Variants in EGLN1 observed in about 807,000 individuals in gnomAD.
The protein encoded by EGLN1 is egl nine homolog 1.
EGLN1 carries 17 observed loss-of-function variants against 38.3 expected under a neutral mutation model. The ratio of observed to expected loss-of-function variants is 0.44; its 90% CI spans 0.30 to 0.67. The LOEUF (loss-of-function observed/expected upper bound fraction) is 0.67. Among genes scored for constraint, EGLN1 ranks in the 30% least tolerant of loss-of-function variants. The pLI, the probability that EGLN1 is intolerant of heterozygous loss-of-function variation, is 0.08. For synonymous variants in EGLN1, 283 were observed against 257.5 expected (o/e 1.10, Z -0.95); for missense variants, 477 against 603.3 (o/e 0.79, Z 2.19).
chr1:231,399,428 G>A (rs569984515), intron 1 of EGLN1, among the ~76,000 whole-genome samples: 7 of 152,298 alleles, frequency 4.6e-5, no homozygotes, highest in Admixed American at 4.6e-4. Context: ...ATTACATATA[G>A]AGAAGAATGT....
chr1:231,390,701 T>A (rs1688343159), intron 1 of EGLN1, among the ~76,000 whole-genome samples: 1 of 152,228 alleles, frequency 6.6e-6, no homozygotes, highest in South Asian at 2.1e-4. Flanking sequence ...AATAAATGAA[T>A]GTTGTCTGTC....
intron 1 of EGLN1, among the ~76,000 whole-genome samples, chr1:231,396,887 A>G (rs1688543114): frequency 6.6e-6 from 1 of 152,104 alleles, no homozygotes; most frequent in African/African-American, 2.4e-5. Context: ...TACACAATCA[A>G]TCAAATCAAA....
chr1:231,420,340 G>A (rs189547584), intron 1 of EGLN1: 7 of 154,682 alleles, frequency 4.5e-5, no homozygotes, highest in African/African-American at 9.6e-5. Flanking sequence ...ACACTGAGAG[G>A]CCTGAAGACG....
chr1:231,366,573 T>C, intron 4 of EGLN1, 98 bp from the exon 5 acceptor site: 1 of 1,224,314 alleles, frequency 8.2e-7, no homozygotes, highest in South Asian at 1.3e-5. Context: ...ATGGACAATA[T>C]TTCAACTTTG....
At position 231,412,011 on chromosome 1, in the gene EGLN1, C is replaced by CAA. The variant is rs747472895; in HGVS notation, c.891+8985_891+8986dup. Among the ~76,000 whole-genome samples the CAA allele has an allele frequency of 1.5e-3, 50 of 33,664 alleles. 11 individuals are homozygous for CAA. The highest frequency in any genetic ancestry group is 5.0e-3 in the South Asian group (2 of 404). The allele number at this position is 33,664 out of a possible 152,430, so 22.1% of individuals were successfully genotyped here. A position where few individuals can be genotyped will look rare whatever the true frequency, so the allele number is the denominator to read the frequency against. On this transcript the variant is annotated intron_variant, in intron 1 of 4. Transcript: ENST00000366641. ...TGGGTGACAGAGTGAGACTCCATCT[C>CAA]AAAAAAAAAAAAAAAAAAAAAAAAA...
At chr1:231,376,054 C>T (rs548414134) in intron 1 of EGLN1, among the ~76,000 whole-genome samples, 3 of 152,092 alleles carry the variant, frequency 2.0e-5, no homozygotes, top group Admixed American at 6.5e-5. Context: ...TCTTGAACAT[C>T]GACTATGTAT....
chr1:231,397,936 A>G (rs1446306787), intron 1 of EGLN1, among the ~76,000 whole-genome samples: 2 of 152,200 alleles, frequency 1.3e-5, no homozygotes, highest in Non-Finnish European at 2.9e-5. Flanking sequence ...TTCTGAAGAA[A>G]CTGATAAGCC....
chr1:231,393,471 T>C (rs1688445258), intron 1 of EGLN1, among the ~76,000 whole-genome samples: 1 of 152,198 alleles, frequency 6.6e-6, no homozygotes, highest in Non-Finnish European at 1.5e-5. Context: ...GCCCTGGGCA[T>C]GTGTCTAATC....
intron 1 of EGLN1, among the ~76,000 whole-genome samples, chr1:231,416,432 A>C (rs1017654969): frequency 2.7e-5 from 4 of 146,892 alleles, no homozygotes; most frequent in African/African-American, 1.0e-4. Flanking sequence ...CATACAAAAA[A>C]AAAATTTTTT....
intron 1 of EGLN1, among the ~76,000 whole-genome samples, chr1:231,380,315 C>CAAAAAAAAAA (rs35280417): frequency 3.9e-5 from 4 of 101,778 alleles, no homozygotes; most frequent in South Asian, 3.7e-4. Context: ...GACTCCGTCT[C>CAAAAAAAAAA]AAAAAAAAAA....
intron 1 of EGLN1, among the ~76,000 whole-genome samples, chr1:231,398,619 C>T (rs560931718): frequency 6.6e-6 from 1 of 152,264 alleles, no homozygotes; most frequent in Admixed American, 6.5e-5. Flanking sequence ...CTATTTGACT[C>T]TTTGGGGTAA....
intron 1 of EGLN1, among the ~76,000 whole-genome samples, chr1:231,396,024 C>T (rs1458521463): frequency 7.8e-6 from 1 of 128,072 alleles, no homozygotes; most frequent in Non-Finnish European, 1.8e-5. Flanking sequence ...CCAAATTACC[C>T]CACTCCTTTA....
At chr1:231,409,504 A>T (rs1688879185) in intron 1 of EGLN1, among the ~76,000 whole-genome samples, 2 of 152,158 alleles carry the variant, frequency 1.3e-5, no homozygotes, top group Admixed American at 1.3e-4. Context: ...AATGAAGTTC[A>T]CAGGATCAAT....
At chr1:231,369,841 T>A (rs2790894) in intron 3 of EGLN1, among the ~76,000 whole-genome samples, 87,802 of 151,860 alleles carry the variant, frequency 0.58, 26,153 homozygotes, top group Non-Finnish European at 0.65. Context: ...TATTTTTTTT[T>A]AATGTGCTAT....
In EGLN1 at chr1:231,421,394, T is replaced by C; in HGVS notation, c.495A>G (p.Pro165=). 1 of 1,604,380 alleles carries C rather than the reference T, an allele frequency of 6.2e-7. No individual in the cohort carries two copies. The highest frequency in any genetic ancestry group is 8.5e-7 in the Non-Finnish European group (1 of 1,174,666). Residue 165 remains proline (P), a synonymous_variant, in exon 1 of 5, where the codon CCA becomes CCG. Coordinates refer to ENST00000366641, the MANE Select transcript of EGLN1 (RefSeq NM_022051.3). This position sits in a 1 kb window ranked among gnomAD's most constrained non-coding sequence, Gnocchi z 5.5. ...LFQEKANLYP[P]SNTPGDALSP... ...TCAGCGCATCCCCGGGCGTGTTGCTTGGGGGGTACAGGTTCGCCTTCTCCT... is the reference window on the plus strand; with the variant it reads ...TCAGCGCATCCCCGGGCGTGTTGCTCGGGGGGTACAGGTTCGCCTTCTCCT...
intron 1 of EGLN1, among the ~76,000 whole-genome samples, chr1:231,395,348 T>C (rs895951551): frequency 1.3e-5 from 2 of 152,244 alleles, no homozygotes; most frequent in Non-Finnish European, 2.9e-5. Context: ...CTCAGTGATC[T>C]TGCAGGGTAA....
rs141921538 is a variant in EGLN1, at chr1:231,390,604, C to T, written c.892-16505G>A. ...TTTTGGGCCTCCATATATGCACATTCCCTCATGTACACATCTTTGCAGCTA... is the reference window on the plus strand; with the variant it reads ...TTTTGGGCCTCCATATATGCACATTTCCTCATGTACACATCTTTGCAGCTA... On this transcript the variant is annotated intron_variant, in intron 1 of 4. Coordinates refer to ENST00000366641, the MANE Select transcript of EGLN1 (RefSeq NM_022051.3). 7.8e-3 allele frequency among the ~76,000 whole-genome samples: 1,195 copies of T among 152,306 alleles called. 9 individuals are homozygous for T. The highest frequency in any genetic ancestry group is 0.014 in the Middle Eastern group (4 of 294).
At chr1:231,377,561 A>G (rs948055961) in intron 1 of EGLN1, among the ~76,000 whole-genome samples, 4 of 152,230 alleles carry the variant, frequency 2.6e-5, no homozygotes, top group Non-Finnish European at 5.9e-5. Context: ...AAATGGAAAC[A>G]CTAGGTGAAA....
At chr1:231,376,487 G>C (rs1209136359) in intron 1 of EGLN1, among the ~76,000 whole-genome samples, 1 of 152,070 alleles carries the variant, frequency 6.6e-6, no homozygotes, top group African/African-American at 2.4e-5. Context: ...TTTTACTGTT[G>C]TTGTTAATCT....
Sources: gnomAD v4.1 joint callset for allele counts (sites outside exome capture counted in the v4.1 genomes callset) on GRCh38, gnomAD v4.1.1 for gene constraint, Gnocchi (gnomAD v3.1) non-coding constraint, MANE v1.5 for transcripts, NCBI Gene and HGNC (gene_info 2026-07-23, HGNC 2026-07-21) for gene names.